The following NLGN1 variants were observed in gnomAD, a reference collection of about 807,000 sequenced individuals.
NLGN1 encodes neuroligin-1.
Under a neutral mutation model 65.5 loss-of-function variants are expected in NLGN1, and 12 were observed. The observed-to-expected ratio is 0.18, with a 90% CI of 0.12 to 0.30. The LOEUF is 0.30. Ranked by LOEUF, NLGN1 falls within the 10% of genes least tolerant of loss-of-function variation. The pLI is 1.00. For missense variants in NLGN1, 750 were observed against 1,007.1 expected (o/e 0.74, Z 3.46); for synonymous variants, 350 against 359.5 (o/e 0.97, Z 0.30).
chr3:173,651,372 CAGTT>C (rs1449384844), intron 3 of NLGN1, among the ~76,000 whole-genome samples: 1 of 151,508 alleles, frequency 6.6e-6, no homozygotes, highest in Non-Finnish European at 1.5e-5. Context: ...TGTTGATGGA[CAGTT>C]AGGTTGATTC....
chr3:173,940,152 G>C (rs1390749766), intron 4 of NLGN1, among the ~76,000 whole-genome samples: 1 of 136,218 alleles, frequency 7.3e-6, no homozygotes, highest in Non-Finnish European at 1.5e-5. Context: ...GCAGTGGCAC[G>C]ATCTCTGCTC....
chr3:173,730,621 T>C (rs1560254191), intron 3 of NLGN1, among the ~76,000 whole-genome samples: 2 of 152,102 alleles, frequency 1.3e-5, no homozygotes, highest in Non-Finnish European at 2.9e-5. Flanking sequence ...GGACAGCACT[T>C]ATCTAATGCC....
At chr3:174,129,865 G>A (rs181237451) in intron 4 of NLGN1, among the ~76,000 whole-genome samples, 74 of 152,324 alleles carry the variant, frequency 4.9e-4, no homozygotes, top group African/African-American at 1.8e-3. Context: ...TAACACATTT[G>A]TCACTGAAAG....
intron 4 of NLGN1, among the ~76,000 whole-genome samples, chr3:174,039,002 C>T (rs757146077): frequency 1.3e-5 from 2 of 152,070 alleles, no homozygotes; most frequent in Non-Finnish European, 1.5e-5. Flanking sequence ...TGGTGTTTTC[C>T]ACAGGATCTA....
At chr3:173,662,303 T>A (rs1188325834) in intron 3 of NLGN1, among the ~76,000 whole-genome samples, 6 of 151,980 alleles carry the variant, frequency 3.9e-5, no homozygotes, top group Non-Finnish European at 7.4e-5. Context: ...CTAAAATAAT[T>A]TGCTTCTAGA....
intron 3 of NLGN1, among the ~76,000 whole-genome samples, chr3:173,646,781 G>T (rs1758338095): frequency 6.6e-6 from 1 of 151,930 alleles, no homozygotes; most frequent in Non-Finnish European, 1.5e-5. Flanking sequence ...AGATAAAGGG[G>T]AATAAACAGA....
chr3:173,767,149 G>T (rs539646763), intron 3 of NLGN1, among the ~76,000 whole-genome samples: 1 of 152,134 alleles, frequency 6.6e-6, no homozygotes, highest in African/African-American at 2.4e-5. Context: ...ACAAAAGAAG[G>T]GACTGGCGTG....
Position 174,255,698 on chromosome 3 carries a change from G to A in NLGN1, c.647-19617G>A, listed in dbSNP as rs180796351. Among the ~76,000 whole-genome samples the A allele has an allele frequency of 2.1e-3, 314 of 148,762 alleles. 3 individuals carry two copies. The highest frequency in any genetic ancestry group is 7.6e-3 in the African/African-American group (305 of 40,264). On this transcript the variant is annotated intron_variant, in intron 4 of 6. Transcript: ENST00000457714. ...TTTTGAGATAGGGTCTCACTCTGTC[G>A]CCCAGGCCGGAGTGCAATAGTGTGA...
chr3:173,665,222 G>A (rs1048237096), intron 3 of NLGN1, among the ~76,000 whole-genome samples: 3 of 152,172 alleles, frequency 2.0e-5, no homozygotes, highest in South Asian at 2.1e-4. Flanking sequence ...CCTCCAAGTT[G>A]CTCTCATGAC....
intron 4 of NLGN1, among the ~76,000 whole-genome samples, chr3:174,133,139 A>AT (rs950820977): frequency 6.6e-6 from 1 of 152,218 alleles, no homozygotes; most frequent in Non-Finnish European, 1.5e-5. Flanking sequence ...ACACAAGGAT[A>AT]TTTGGCACTT....
intron 4 of NLGN1, among the ~76,000 whole-genome samples, chr3:174,083,441 A>T (rs563273637): frequency 2.6e-4 from 39 of 152,282 alleles, no homozygotes; most frequent in African/African-American, 9.1e-4. Context: ...ATTATGATGA[A>T]ATTTATACTA....
intron 4 of NLGN1, among the ~76,000 whole-genome samples, chr3:174,042,054 C>CAA (rs201995924): frequency 1.0e-3 from 141 of 140,932 alleles, no homozygotes; most frequent in African/African-American, 3.4e-3. Flanking sequence ...AGTCTGCCTC[C>CAA]AAAAAAAAAA....
upstream of NLGN1, among the ~76,000 whole-genome samples, chr3:173,395,970 A>C (rs1315580657): frequency 6.6e-6 from 1 of 152,042 alleles, no homozygotes; most frequent in Non-Finnish European, 1.5e-5. Flanking sequence ...GCACCCGACA[A>C]CGCCACGGAG....
At chr3:173,950,491 A>G (rs1747982026) in intron 4 of NLGN1, among the ~76,000 whole-genome samples, 1 of 152,170 alleles carries the variant, frequency 6.6e-6, no homozygotes, top group African/African-American at 2.4e-5. Context: ...GTTTAAGAAA[A>G]TATACTGATG....
intron 2 of NLGN1, among the ~76,000 whole-genome samples, chr3:173,602,534 G>T (rs1047458553): frequency 6.6e-6 from 1 of 151,954 alleles, no homozygotes; most frequent in African/African-American, 2.4e-5. Flanking sequence ...TGGGAAACAG[G>T]AGCTTCTTTA....
chr3:174,200,978 C>A (rs540793388), intron 4 of NLGN1, among the ~76,000 whole-genome samples: 1 of 152,164 alleles, frequency 6.6e-6, no homozygotes, highest in Non-Finnish European at 1.5e-5. Context: ...TGTTCACGCC[C>A]GTAATCCCAG....
At chr3:173,791,791 T>G (rs570693424) in intron 3 of NLGN1, among the ~76,000 whole-genome samples, 1 of 152,204 alleles carries the variant, frequency 6.6e-6, no homozygotes, top group Admixed American at 6.6e-5. Flanking sequence ...AAAACTGAGA[T>G]CTAGACCTAG....
chr3:173,709,684 T>G (rs1768614981), intron 3 of NLGN1, among the ~76,000 whole-genome samples: 1 of 150,798 alleles, frequency 6.6e-6, no homozygotes, highest in Non-Finnish European at 1.5e-5. Flanking sequence ...GTGCCTGTAA[T>G]CCCAGCTACT....
chr3:174,149,590 A>C (rs1184229954), intron 4 of NLGN1, among the ~76,000 whole-genome samples: 1 of 152,160 alleles, frequency 6.6e-6, no homozygotes, highest in African/African-American at 2.4e-5. Flanking sequence ...AAGGGCAGCT[A>C]GGTTCTTATT....
Sources: gnomAD v4.1 joint callset for allele counts (sites outside exome capture counted in the v4.1 genomes callset) on GRCh38, gnomAD v4.1.1 for gene constraint, MANE v1.5 for transcripts, NCBI Gene and HGNC (gene_info 2026-07-23, HGNC 2026-07-21) for gene names.